METTL2A: variants seen among roughly 807,000 people sequenced by gnomAD.
METTL2A encodes the protein tRNA N(3)-cytidine methyltransferase METTL2A.
Under a neutral mutation model 49.4 loss-of-function variants are expected in METTL2A, and 45 were observed. The ratio of observed to expected loss-of-function variants is 0.91; its 90% CI spans 0.72 to 1.17. The LOEUF (loss-of-function observed/expected upper bound fraction) is 1.17. Ranked by LOEUF, METTL2A falls within the 50% of genes most tolerant of loss-of-function variation. The pLI is 0.00. For missense variants in METTL2A, 361 were observed against 462.2 expected, an observed-to-expected ratio of 0.78 and a Z score of 2.01; for synonymous variants, 118 against 167.5, an observed-to-expected ratio of 0.70 and a Z score of 2.28.
chr17:62,433,725 G>C (rs1166722822), intron 4 of METTL2A, among the ~76,000 whole-genome samples: 3 of 149,970 alleles, frequency 2.0e-5, no homozygotes, highest in African/African-American at 4.9e-5. Context: ...GGGTGACACA[G>C]CTGAGACCTC....
chr17:62,447,744 CAG>C lies in METTL2A; in HGVS notation c.963_964del (p.Arg321SerfsTer81). The C allele has an allele frequency of 6.2e-7, 1 of 1,614,156 alleles. No individual in the cohort carries two copies. The highest frequency in any genetic ancestry group is 2.2e-5 in the East Asian group (1 of 44,882). ...ATTTCTACGTGAGAGGTGATGGAACCAGAGTTTACTTCTTCACACAAGGTATG... is the reference window on the plus strand; with the variant it reads ...ATTTCTACGTGAGAGGTGATGGAACCAGTTTACTTCTTCACACAAGGTATG... ...GNFYVRGDGT[R>X]VYFFTQEELD... On this transcript the variant is annotated frameshift_variant, in exon 8 of 9. Coordinates refer to ENST00000311506, the MANE Select transcript of METTL2A (RefSeq NM_181725.4). LOFTEE classifies it high-confidence loss of function.
intron 2 of METTL2A, among the ~76,000 whole-genome samples, chr17:62,424,773 A>G (rs2070611984): frequency 6.6e-6 from 1 of 151,880 alleles, no homozygotes; most frequent in African/African-American, 2.4e-5. Context: ...GGTTATGAGA[A>G]TTTAGGGCTT....
At position 62,447,720 on chromosome 17, in the gene METTL2A, T is replaced by C; in HGVS notation, c.936T>C (p.Asn312=). The C allele has an allele frequency of 3.1e-6, 5 of 1,614,180 alleles. No individual in the cohort carries two copies. Among genetic ancestry groups the C allele is most frequent in the Non-Finnish European group, 4.2e-6 (5 of 1,180,016 alleles). The stretch of plus-strand genomic sequence containing the variant: ...CTGCAGGTCAGTGTCTATCTGGAAA[T>C]TTCTACGTGAGAGGTGATGGAACCA... ...RFKKGQCLSG[N]FYVRGDGTRV... is the part of the protein sequence containing the mutation. The change falls in exon 8 of 9, where the codon AAT becomes AAC. Residue 312 remains asparagine, a synonymous_variant. Coordinates refer to ENST00000311506, the MANE Select transcript of METTL2A (RefSeq NM_181725.4).
intron 4 of METTL2A, among the ~76,000 whole-genome samples, chr17:62,431,728 GT>G (rs2070666901): frequency 6.6e-6 from 1 of 151,672 alleles, no homozygotes; most frequent in Admixed American, 6.6e-5. Flanking sequence ...GTTTTGTTTT[GT>G]TTTGGTTTTG....
At position 62,453,258 on chromosome 17, in the gene METTL2A, C is replaced by T. The variant is rs17841595; in HGVS notation, c.*4529C>T. Among the ~76,000 whole-genome samples, 1 of 152,182 alleles carries T rather than the reference C, an allele frequency of 6.6e-6. No individual in the cohort carries two copies. The highest frequency in any genetic ancestry group is 1.5e-5 in the Non-Finnish European group (1 of 68,042). The stretch of plus-strand genomic sequence containing the variant: ...ATCTCTCAGGCCAAATTTGACTCTG[C>T]AAGGGACTTTGCATAACGTTTCATC... On this transcript the variant is annotated 3_prime_UTR_variant, in exon 9 of 9. Coordinates refer to ENST00000311506, the MANE Select transcript of METTL2A (RefSeq NM_181725.4).
chr17:62,429,125 A>T (rs188542671), intron 4 of METTL2A, among the ~76,000 whole-genome samples: 54 of 152,196 alleles, frequency 3.5e-4, no homozygotes, highest in Non-Finnish European at 6.2e-4. Flanking sequence ...ACTCATGGGA[A>T]AATTAATTTT....
intron 6 of METTL2A, among the ~76,000 whole-genome samples, chr17:62,441,757 T>G (rs1303365662): frequency 1.3e-5 from 2 of 151,080 alleles, no homozygotes; most frequent in Non-Finnish European, 2.9e-5. Context: ...TTTTTTTTTT[T>G]GAAGACGGAG....
Position 62,449,004 on chromosome 17 carries a change from C to A in METTL2A, c.*275C>A. On this transcript the variant is annotated 3_prime_UTR_variant, in exon 9 of 9. Coordinates refer to ENST00000311506, the MANE Select transcript of METTL2A (RefSeq NM_181725.4). ...TGAACCTTAAACCTAGGAAAAGTTA[C>A]TTTGTATCAGGATTCTAACAATTAT... is the stretch of plus-strand genomic sequence containing the variant. 2.8e-6 allele frequency: 1 copy of A among 352,360 alleles called. No homozygotes were observed. Among genetic ancestry groups the A allele is most frequent in the Non-Finnish European group, 5.0e-6 (1 of 200,476 alleles). The allele number at this position is 352,360 out of a possible 1,614,324, so 21.8% of individuals were successfully genotyped here.
At position 62,453,360 on chromosome 17, in the gene METTL2A, T is replaced by C. The variant is rs1306817253; in HGVS notation, c.*4631T>C. Among the ~76,000 whole-genome samples, 1 of 152,036 alleles carries C rather than the reference T, an allele frequency of 6.6e-6. No homozygotes were observed. Among genetic ancestry groups the C allele is most frequent in the Non-Finnish European group, 1.5e-5 (1 of 68,000 alleles). On this transcript the variant is annotated 3_prime_UTR_variant, in exon 9 of 9. Transcript: ENST00000311506. ...TAAAGTATATGACCTCAGTGCCACT[T>C]AAAAAATAAATACTGTCTCAACTAT...
chr17:62,438,379 C>T (rs561051312), intron 5 of METTL2A, among the ~76,000 whole-genome samples: 3 of 149,670 alleles, frequency 2.0e-5, no homozygotes, highest in African/African-American at 7.4e-5. Context: ...TGCACTCCAG[C>T]CTGGGCTACA....
intron 8 of METTL2A, among the ~76,000 whole-genome samples, chr17:62,448,367 A>G (rs1309878464): frequency 2.6e-5 from 4 of 152,174 alleles, no homozygotes; most frequent in Admixed American, 6.6e-5. Flanking sequence ...GGTTTTTAAA[A>G]AAGAAAAAAC....
At chr17:62,442,777 A>G (rs1207736931) in intron 6 of METTL2A, among the ~76,000 whole-genome samples, 1 of 152,214 alleles carries the variant, frequency 6.6e-6, no homozygotes, top group Non-Finnish European at 1.5e-5. Flanking sequence ...CTGTGTCATC[A>G]GAGTCCTGCA....
intron 7 of METTL2A, 37 bp downstream of exon 7, chr17:62,444,980 C>G: frequency 6.2e-7 from 1 of 1,605,172 alleles, no homozygotes; most frequent in Non-Finnish European, 8.5e-7. Context: ...CACTAGAGAT[C>G]ATGTCCTTTG....
chr17:62,426,316 G>C lies in METTL2A; in HGVS notation c.220G>C (p.Ala74Pro). Residue 74 changes from alanine (A) to proline (P), a missense_variant, in exon 3 of 9, where the codon GCC (alanine) becomes CCC (proline). Coordinates refer to ENST00000311506, the MANE Select transcript of METTL2A (RefSeq NM_181725.4). The stretch of plus-strand genomic sequence containing the variant: ...ATTTACAGTTGATTATGAGATCAAT[G>C]CCCACAAATACTGGAATGACTTCTA... ...QEKQVDYEIN[A>P]HKYWNDFYKI... The C allele has an allele frequency of 6.2e-7, 1 of 1,605,150 alleles. No individual in the cohort carries two copies. Among genetic ancestry groups the C allele is most frequent in the Non-Finnish European group, 8.5e-7 (1 of 1,173,408 alleles).
intron 5 of METTL2A, among the ~76,000 whole-genome samples, chr17:62,438,443 G>C (rs1379190213): frequency 1.3e-5 from 2 of 150,206 alleles, no homozygotes; most frequent in African/African-American, 2.4e-5. Context: ...CTGGCAGGAC[G>C]TGGTGGCATG....
In METTL2A at chr17:62,448,847, C is replaced by T. The variant is rs140366447; in HGVS notation, c.*118C>T. On this transcript the variant is annotated 3_prime_UTR_variant, in exon 9 of 9. Transcript: ENST00000311506. ...ATCCCAGCCACTCAGGAGGCTGAGG[C>T]GGGGAGGATCCATTGAGCCCAGCAG... 6.8e-4 allele frequency: 1,014 copies of T among 1,483,102 alleles called. 11 individuals carry two copies. In the African/African-American group the frequency reaches 0.013, roughly 19 times the overall value. The allele number at this position is 1,483,102 out of a possible 1,614,324, so 91.9% of individuals were successfully genotyped here.
chr17:62,431,901 A>T (rs1257741584), intron 4 of METTL2A, among the ~76,000 whole-genome samples: 1 of 152,046 alleles, frequency 6.6e-6, no homozygotes, highest in East Asian at 1.9e-4. Flanking sequence ...TTGTATTTTT[A>T]GAAGAAATGG....
At position 62,452,538 on chromosome 17, in the gene METTL2A, G is replaced by A. The variant is rs2070811410; in HGVS notation, c.*3809G>A. Among the ~76,000 whole-genome samples the A allele has an allele frequency of 6.6e-6, 1 of 152,094 alleles. No individual in the cohort carries two copies. Among genetic ancestry groups the A allele is most frequent in the Non-Finnish European group, 1.5e-5 (1 of 68,020 alleles). ...TGCTTCCATTCCTTCTACACTGATT[G>A]GTTGGTATTTTGTACAGAAAAGCTT... On this transcript the variant is annotated 3_prime_UTR_variant, in exon 9 of 9. Coordinates refer to ENST00000311506, the MANE Select transcript of METTL2A (RefSeq NM_181725.4).
intron 5 of METTL2A, among the ~76,000 whole-genome samples, chr17:62,439,665 C>CA (rs2070725121): frequency 0.013 from 1 of 76 alleles, no homozygotes; most frequent in Admixed American, 0.12. Flanking sequence ...CATCTCCTGA[C>CA]TCATGATCCG....
Sources: gnomAD v4.1 joint callset for allele counts (sites outside exome capture counted in the v4.1 genomes callset) on GRCh38, gnomAD v4.1.1 for gene constraint, MANE v1.5 for transcripts, NCBI Gene and HGNC (gene_info 2026-07-23, HGNC 2026-07-21) for gene names.